The following AMER1 variants were observed in gnomAD, a reference collection of about 807,000 sequenced individuals.
AMER1 encodes RP11-403E24.2.
AMER1 carries 16 observed loss-of-function variants against 53.0 expected under a neutral mutation model. The observed-to-expected ratio is 0.30, with a 90% CI of 0.20 to 0.46. AMER1 has a LOEUF of 0.46. Ranked by LOEUF, AMER1 falls within the 20% of genes least tolerant of loss-of-function variation. AMER1 has a pLI of 1.00. For missense variants in AMER1, 947 were observed against 884.9 expected (o/e 1.07, Z -0.89); for synonymous variants, 354 against 331.9 (o/e 1.07, Z -0.73).
At position 64,191,317 on chromosome X, in the gene AMER1, C is replaced by T. The variant is rs1930239363; in HGVS notation, c.1970G>A (p.Arg657Lys). 8.3e-7 allele frequency: 1 copy of T among 1,211,727 alleles called. No homozygotes were observed. ...GCCCATCACTGATGGGCCTAAGGGC[C>T]TCATCTGATACTCTAAGACGGGCTT... is the stretch of plus-strand genomic sequence containing the variant. Reference protein sequence around the residue: ...QEKPVLEYQMRPLGPSVMGLA... With the variant: ...QEKPVLEYQMKPLGPSVMGLA... The change falls in exon 2 of 2, where the codon AGG becomes AAG. Residue 657 changes from arginine (R) to lysine (K), a missense_variant. Transcript: ENST00000374869.
chrX:64,196,822 C>T (rs760525117), intron 1 of AMER1, among the ~76,000 whole-genome samples: 2 of 111,615 alleles, frequency 1.8e-5, no homozygotes, highest in African/African-American at 6.5e-5. Context: ...GAGCCATGTC[C>T]CCCCACAGTC....
At chrX:64,194,062 C>A (rs1930314745) in intron 1 of AMER1, among the ~76,000 whole-genome samples, 1 of 111,845 alleles carries the variant, frequency 8.9e-6, no homozygotes, top group African/African-American at 3.3e-5. Context: ...GAAATGGGAG[C>A]CTCAAGAAAG....
At chrX:64,195,598 C>A (rs1362610807) in intron 1 of AMER1, among the ~76,000 whole-genome samples, 2 of 111,987 alleles carry the variant, frequency 1.8e-5, no homozygotes, top group Non-Finnish European at 3.8e-5. Context: ...GAGCGTGAAC[C>A]CTATTGCAAA....
Position 64,191,316 on chromosome X carries a change from C to T in AMER1, c.1971G>A (p.Arg657=), listed in dbSNP as rs761243052. 5.0e-6 allele frequency: 6 copies of T among 1,211,725 alleles called. No individual in the cohort carries two copies. Among genetic ancestry groups the T allele is most frequent in the Non-Finnish European group, 6.7e-6 (6 of 895,488 alleles). The part of the protein sequence containing the change: ...QEKPVLEYQM[R]PLGPSVMGLA... ...GGCCCATCACTGATGGGCCTAAGGG[C>T]CTCATCTGATACTCTAAGACGGGCT... Residue 657 remains arginine (R), a synonymous_variant, in exon 2 of 2, where the codon AGG becomes AGA. Transcript: ENST00000374869.
At chrX:64,203,565 A>G (rs1930536071) in intron 1 of AMER1, among the ~76,000 whole-genome samples, 1 of 111,468 alleles carries the variant, frequency 9.0e-6, no homozygotes, top group Non-Finnish European at 1.9e-5. Flanking sequence ...ATCCTATTAT[A>G]ATTTAAGCCT....
chrX:64,192,342 A>T lies in AMER1; in HGVS notation c.945T>A (p.Asp315Glu), dbSNP rs1351147002. The change falls in exon 2 of 2, where the codon GAT (aspartate) becomes GAA (glutamate). Residue 315 changes from aspartate to glutamate, a missense_variant. Coordinates refer to ENST00000374869, the MANE Select transcript of AMER1 (RefSeq NM_152424.4). ...VGDPLSLLFG[D>E]VTSLKSFDSL... ...AATCAAAGCTTTTCAGGGATGTCAC[A>T]TCCCCAAACAAGAGGCTCAGTGGGT... 1 of 1,212,275 alleles carries T rather than the reference A, an allele frequency of 8.2e-7. No individual in the cohort carries two copies. The highest frequency in any genetic ancestry group is 1.7e-5 in the African/African-American group (1 of 57,904).
rs755066474 is a variant in AMER1, at chrX:64,186,169, C to A, written c.*3710G>T. The A allele has an allele frequency of 3.3e-6, 4 of 1,208,188 alleles. No homozygotes were observed. Among genetic ancestry groups the A allele is most frequent in the Non-Finnish European group, 4.5e-6 (4 of 894,442 alleles). On this transcript the variant is annotated 3_prime_UTR_variant, in exon 2 of 2. Transcript: ENST00000374869. ...TTGGCGTTTGTCTTCAGTACCTGGG[C>A]ATCTTCTGCTGTCCCTATCATGGGG...
Position 64,193,145 on chromosome X carries a change from C to T in AMER1, c.142G>A (p.Gly48Ser), listed in dbSNP as rs777329368. Residue 48 changes from glycine (G) to serine (S), a missense_variant, in exon 2 of 2, where the codon GGC becomes AGC. Gly to Ser is a moderately conservative substitution (Grantham distance 56). Coordinates refer to ENST00000374869, the MANE Select transcript of AMER1 (RefSeq NM_152424.4). The part of the protein sequence containing the change: ...EGPTSEPSSS[G>S]PGRLKKTAMK... ...GCAGTTTTCTTCAGCCTACCTGGGC[C>T]GGATGAGGATGGCTCTGAGGTTGGT... 27 of 1,210,303 alleles carry T rather than the reference C, an allele frequency of 2.2e-5. No homozygotes were observed. The highest frequency in any genetic ancestry group is 1.2e-4 in the East Asian group (4 of 33,774).
chrX:64,202,104 C>T, intron 1 of AMER1, among the ~76,000 whole-genome samples: 1 of 112,368 alleles, frequency 8.9e-6, no homozygotes, highest in Admixed American at 9.4e-5. Context: ...TCCCAAAGTG[C>T]TGGAATTGCA....
At position 64,191,480 on chromosome X, in the gene AMER1, C is replaced by A. The variant is rs779976787; in HGVS notation, c.1807G>T (p.Ala603Ser). ...AHAREAYTRE[A>S]YGREAYAREA... The stretch of plus-strand genomic sequence containing the variant: ...CTGGCATAGGCTTCCCTGCCATAAG[C>A]CTCTCGAGTATAGGCCTCCCTGGCG... Residue 603 changes from alanine (A) to serine (S), a missense_variant, in exon 2 of 2, where the codon GCT (alanine) becomes TCT (serine). Ala to Ser is a moderately conservative substitution (Grantham distance 99). Coordinates refer to ENST00000374869, the MANE Select transcript of AMER1 (RefSeq NM_152424.4). The A allele has an allele frequency of 3.3e-6, 4 of 1,212,050 alleles. No homozygotes were observed. Among genetic ancestry groups the A allele is most frequent in the South Asian group, 1.8e-5 (1 of 56,990 alleles).
In AMER1 at chrX:64,192,262, T is replaced by C; in HGVS notation, c.1025A>G (p.Asp342Gly). 8.2e-7 allele frequency: 1 copy of C among 1,212,197 alleles called. No individual in the cohort carries two copies. The change falls in exon 2 of 2, where the codon GAC becomes GGC. Residue 342 changes from aspartate to glycine, a missense_variant. Transcript: ENST00000374869. ...TCTCTGGCCCCCAGAGGCCATGCTG[T>C]CTGTCATACTGTCCATGTCCTGTTC... ...IAEQDMDSMT[D>G]SMASGGQRAN... is the part of the protein sequence containing the mutation.
At position 64,191,490 on chromosome X, in the gene AMER1, A is replaced by G. The variant is rs1389825824; in HGVS notation, c.1797T>C (p.Tyr599=). ...HAREAHAREA[Y]TREAYGREAY... is the part of the protein sequence containing the mutation. Reference sequence around the variant, plus strand: ...CTTCCCTGCCATAAGCCTCTCGAGTATAGGCCTCCCTGGCGTGGGCCTCCC... The same window carrying G: ...CTTCCCTGCCATAAGCCTCTCGAGTGTAGGCCTCCCTGGCGTGGGCCTCCC... Residue 599 remains tyrosine, a synonymous_variant, in exon 2 of 2, where the codon TAT becomes TAC. Coordinates refer to ENST00000374869, the MANE Select transcript of AMER1 (RefSeq NM_152424.4). 1 of 1,211,702 alleles carries G rather than the reference A, an allele frequency of 8.3e-7. No individual in the cohort carries two copies. Among genetic ancestry groups the G allele is most frequent in the Non-Finnish European group, 1.1e-6 (1 of 895,431 alleles).
rs572881309 is a variant in AMER1, at chrX:64,201,122, C to A, written c.-99+4448G>T. On this transcript the variant is annotated intron_variant, in intron 1 of 1. Transcript: ENST00000374869. ...GCACCAGTATGCCTGCCTATGACCACACCAAGCCCCTCAGGTCATTTTCTC... is the reference window on the plus strand; with the variant it reads ...GCACCAGTATGCCTGCCTATGACCAAACCAAGCCCCTCAGGTCATTTTCTC... Among the ~76,000 whole-genome samples the A allele has an allele frequency of 1.3e-4, 15 of 111,356 alleles. No individual in the cohort carries two copies. In the South Asian group the frequency reaches 5.4e-3, roughly 40 times the overall value.
In AMER1 at chrX:64,191,815, C is replaced by T. The variant is rs370645786; in HGVS notation, c.1472G>A (p.Arg491His). The change falls in exon 2 of 2, where the codon CGC (arginine) becomes CAC (histidine). Residue 491 changes from arginine to histidine, a missense_variant. Coordinates refer to ENST00000374869, the MANE Select transcript of AMER1 (RefSeq NM_152424.4). ...GCTGTCTCGGGGTAGACAATCCCTG[C>T]GGACAAGCCCCAGGGCCTCACCTGA... ...DDSGEALGLV[R>H]RDCLPRDSYS... 148 of 1,209,678 alleles carry T rather than the reference C, an allele frequency of 1.2e-4. No individual in the cohort carries two copies. The highest frequency in any genetic ancestry group is 1.5e-4 in the Non-Finnish European group (134 of 895,085).
chrX:64,190,589 C>G lies in AMER1; in HGVS notation c.2698G>C (p.Glu900Gln), dbSNP rs2147085491. 1 of 1,212,113 alleles carries G rather than the reference C, an allele frequency of 8.3e-7. No individual in the cohort carries two copies. The change falls in exon 2 of 2, where the codon GAG (glutamate) becomes CAG (glutamine). Residue 900 changes from glutamate (E) to glutamine (Q), a missense_variant. By Grantham distance (29) the Glu-to-Gln change is conservative. Coordinates refer to ENST00000374869, the MANE Select transcript of AMER1 (RefSeq NM_152424.4). ...TTGGAGAGCTCCATCTCCAGGGTCT[C>G]TGCAGTGTCGAGAGAGCGGCTTCTC... ...NRRSRSLDTA[E>Q]TLEMELSNSH... is the part of the protein sequence containing the mutation.
chrX:64,188,972 A>G lies in AMER1; in HGVS notation c.*907T>C. 1 of 807,142 alleles carries G rather than the reference A, an allele frequency of 1.2e-6. No individual in the cohort carries two copies. The highest frequency in any genetic ancestry group is 1.5e-6 in the Non-Finnish European group (1 of 671,624). The allele number at this position is 807,142 out of a possible 1,213,427, so 66.5% of individuals were successfully genotyped here. On this transcript the variant is annotated 3_prime_UTR_variant, in exon 2 of 2. Coordinates refer to ENST00000374869, the MANE Select transcript of AMER1 (RefSeq NM_152424.4). The stretch of plus-strand genomic sequence containing the variant: ...AGGTAGTCACAAGCTTAAAAGAAGG[A>G]AAAAAAATCCTATCATTCCGGAGCT...
intron 1 of AMER1, among the ~76,000 whole-genome samples, chrX:64,193,880 T>G (rs1930311473): frequency 8.9e-6 from 1 of 112,103 alleles, no homozygotes; most frequent in African/African-American, 3.2e-5. Flanking sequence ...TTCATATTAG[T>G]CTGGGCTCTC....
chrX:64,204,949 G>T (rs1028405087), intron 1 of AMER1, among the ~76,000 whole-genome samples: 1 of 113,317 alleles, frequency 8.8e-6, no homozygotes, highest in South Asian at 3.6e-4. Context: ...GGAAGTGTGC[G>T]ACTGAGCTCA....
chrX:64,192,011 G>T lies in AMER1; in HGVS notation c.1276C>A (p.His426Asn). The change falls in exon 2 of 2, where the codon CAT becomes AAT. Residue 426 changes from histidine (H) to asparagine (N), a missense_variant. His to Asn is a moderately conservative substitution (Grantham distance 68). Coordinates refer to ENST00000374869, the MANE Select transcript of AMER1 (RefSeq NM_152424.4). ...YPRPNMNLGY[H>N]PTTSPGHHGY... ...TGGTGGCCTGGGGATGTGGTGGGAT[G>T]GTAGCCCAGGTTCATATTGGGCCGT... 1 of 1,211,852 alleles carries T rather than the reference G, an allele frequency of 8.3e-7. No homozygotes were observed. The highest frequency in any genetic ancestry group is 1.1e-6 in the Non-Finnish European group (1 of 895,523).
Sources: allele counts gnomAD v4.1 joint callset (sites outside exome capture counted in the v4.1 genomes callset), GRCh38; gene constraint gnomAD v4.1.1; transcripts MANE v1.5; gene names NCBI Gene and HGNC (gene_info 2026-07-23, HGNC 2026-07-21).